The following SLC5A4 variants were observed in gnomAD, a reference collection of about 807,000 sequenced individuals.
SLC5A4 encodes the protein solute carrier family 5 member 4.
SLC5A4 carries 55 observed loss-of-function variants against 70.3 expected under a neutral mutation model. The observed-to-expected ratio is 0.78, with a 90% CI of 0.63 to 0.98. The LOEUF is 0.98. Among genes scored for constraint, SLC5A4 ranks in the 50% least tolerant of loss-of-function variants. SLC5A4 has a pLI of 0.00. For missense variants in SLC5A4, 735 were observed against 839.2 expected (o/e 0.88, Z 1.53); for synonymous variants, 268 against 305.7 (o/e 0.88, Z 1.29).
chr22:32,272,306 G>A, the SLC5A4 span: 1 of 821,484 alleles, frequency 1.2e-6, no homozygotes, highest in Non-Finnish European at 2.1e-6. Flanking sequence ...AGGAGCAGAA[G>A]GGGCCCGTGA....
the SLC5A4 span, among the ~76,000 whole-genome samples, chr22:32,286,059 C>G: frequency 6.6e-6 from 1 of 152,176 alleles, no homozygotes; most frequent in African/African-American, 2.4e-5. Flanking sequence ...ATGGCTAAAA[C>G]AGGAGTCCAA....
At chr22:32,305,898 G>A in the SLC5A4 span, among the ~76,000 whole-genome samples, 1 of 151,072 alleles carries the variant, frequency 6.6e-6, no homozygotes, top group Non-Finnish European at 1.5e-5. Flanking sequence ...TCAGGGCACT[G>A]TCACTCCTCT....
At chr22:32,237,398 T>C in intron 6 of SLC5A4, 74 bp from the exon 7 acceptor site, 1 of 991,196 alleles carries the variant, frequency 1.0e-6, no homozygotes, top group African/African-American at 1.7e-5. Flanking sequence ...CACTGGGTTC[T>C]CCTCCACCCA....
the SLC5A4 span, among the ~76,000 whole-genome samples, chr22:32,311,458 T>C: frequency 6.6e-6 from 1 of 152,336 alleles, no homozygotes; most frequent in East Asian, 1.9e-4. Context: ...GAGATGTTTG[T>C]GATCATTTAG....
At chr22:32,350,235 A>G in the SLC5A4 span, among the ~76,000 whole-genome samples, 1 of 152,230 alleles carries the variant, frequency 6.6e-6, no homozygotes, top group South Asian at 2.1e-4. Context: ...CAGTCAACTG[A>G]GAAGAAAAAC....
chr22:32,310,515 G>A, the SLC5A4 span, among the ~76,000 whole-genome samples: 1 of 27,868 alleles, frequency 3.6e-5, no homozygotes, highest in African/African-American at 1.2e-4. Flanking sequence ...ATGGGCCTGG[G>A]GGGTGCCCTG....
chr22:32,270,592 A>G, the SLC5A4 span: 3 of 735,308 alleles, frequency 4.1e-6, no homozygotes, highest in Non-Finnish European at 7.6e-6. Context: ...GGAGCTGGAC[A>G]CCAGTGGCTT....
chr22:32,342,985 G>GA, the SLC5A4 span: 28 of 152,256 alleles, frequency 1.8e-4, no homozygotes, highest in African/African-American at 6.0e-4. Context: ...ACACAGAACT[G>GA]AAAAAATCAT....
chr22:32,224,153 C>T, intron 13 of SLC5A4, 114 bp downstream of exon 13: 2 of 743,182 alleles, frequency 2.7e-6, no homozygotes, highest in Non-Finnish European at 4.6e-6. Context: ...ATCTCCTGAC[C>T]TCGTGATCCG....
chr22:32,258,610 T>C (rs73395093), upstream of SLC5A4, among the ~76,000 whole-genome samples: 545 of 152,230 alleles, frequency 3.6e-3, 6 homozygotes, highest in African/African-American at 0.013. Context: ...TGTGGAGAAA[T>C]TGGAACCCTT....
the SLC5A4 span, among the ~76,000 whole-genome samples, chr22:32,349,984 G>T: frequency 6.6e-6 from 1 of 151,790 alleles, no homozygotes; most frequent in African/African-American, 2.4e-5. Context: ...TCTGATGCCC[G>T]CCCTCAACAA....
the SLC5A4 span, among the ~76,000 whole-genome samples, chr22:32,267,750 C>A: frequency 6.6e-6 from 1 of 152,228 alleles, no homozygotes; most frequent in African/African-American, 2.4e-5. Context: ...TTCTGATATG[C>A]CCCATTTCAG....
chr22:32,272,257 A>T, the SLC5A4 span: 3 of 795,314 alleles, frequency 3.8e-6, no homozygotes, highest in Admixed American at 1.7e-5. Context: ...GAGCCCAGCC[A>T]GCCCTTGACC....
chr22:32,297,616 G>A, the SLC5A4 span, among the ~76,000 whole-genome samples: 5 of 111,420 alleles, frequency 4.5e-5, no homozygotes, highest in East Asian at 4.8e-4. Context: ...TCCTGGATTC[G>A]TTAATTTTTT....
At chr22:32,255,046 A>C in intron 1 of SLC5A4, 149 bp downstream of exon 1, 1 of 772,438 alleles carries the variant, frequency 1.3e-6, no homozygotes, top group Non-Finnish European at 2.2e-6. Context: ...AGTTCATTGT[A>C]AGCGTTATTT....
chr22:32,344,386 C>T, the SLC5A4 span, among the ~76,000 whole-genome samples: 1 of 152,106 alleles, frequency 6.6e-6, no homozygotes, highest in Admixed American at 6.5e-5. Flanking sequence ...ATGTCCCCAG[C>T]TCTTATTTAA....
chr22:32,220,883 G>T, intron 14 of SLC5A4, 37 bp downstream of exon 14: 1 of 1,290,736 alleles, frequency 7.7e-7, no homozygotes. Flanking sequence ...TGTGCACAGA[G>T]TTCCTACATG....
chr22:32,306,559 A>G, the SLC5A4 span, among the ~76,000 whole-genome samples: 1 of 152,052 alleles, frequency 6.6e-6, no homozygotes, highest in Non-Finnish European at 1.5e-5. Flanking sequence ...TATTATTAGG[A>G]ATGTTTTTGG....
the SLC5A4 span, among the ~76,000 whole-genome samples, chr22:32,281,369 G>T: frequency 6.6e-6 from 1 of 152,306 alleles, no homozygotes; most frequent in East Asian, 1.9e-4. Flanking sequence ...TGGGCGTGCA[G>T]GGGTGGGGAG....
Sources: allele counts gnomAD v4.1 joint callset (sites outside exome capture counted in the v4.1 genomes callset), GRCh38; gene constraint gnomAD v4.1.1; transcripts MANE v1.5; gene names NCBI Gene and HGNC (gene_info 2026-07-23, HGNC 2026-07-21).